Variants in LRMDA observed in about 807,000 individuals in gnomAD.
LRMDA encodes leucine rich melanocyte differentiation associated.
A neutral mutation model predicts 29.8 loss-of-function variants in LRMDA; 18 were observed. The observed-to-expected ratio is 0.60, with a 90% CI of 0.42 to 0.90. The LOEUF (loss-of-function observed/expected upper bound fraction) is 0.90, where lower values mean the gene tolerates loss of function less well. LRMDA is among the 40% of genes least tolerant of loss of function. LRMDA has a pLI of 0.00. For synonymous variants in LRMDA, 125 were observed against 109.4 expected (o/e 1.14, Z -0.89); for missense variants, 273 against 273.9 (o/e 1.00, Z 0.02).
intron 5 of LRMDA, among the ~76,000 whole-genome samples, chr10:76,232,026 T>C (rs1045019379): frequency 6.6e-6 from 1 of 152,204 alleles, no homozygotes; most frequent in African/African-American, 2.4e-5. Flanking sequence ...CACTTCAGTG[T>C]AAATGGAGGT....
At chr10:75,825,955 T>C (rs1459680531) in intron 2 of LRMDA, among the ~76,000 whole-genome samples, 1 of 152,126 alleles carries the variant, frequency 6.6e-6, no homozygotes. Flanking sequence ...TCAAGACAAA[T>C]AGAGGTGGGA....
chr10:76,559,671 A>C lies in LRMDA; in HGVS notation c.*2383A>C, dbSNP rs77724565. ...AGGAATTTCCCAAACCTTGTTTTTC[A>C]AAGTTGAGAAGTAGAAAGTAATAAA... is the stretch of plus-strand genomic sequence containing the variant. On this transcript the variant is annotated 3_prime_UTR_variant, in exon 7 of 7. Coordinates refer to ENST00000611255, the MANE Select transcript of LRMDA (RefSeq NM_001305581.2). The C allele has an allele frequency of 0.01, 1,563 of 152,352 alleles. 18 individuals are homozygous for C. The highest frequency in any genetic ancestry group is 0.034 in the Middle Eastern group (10 of 294). The allele number at this position is 152,352 out of a possible 1,614,324, so 9.4% of individuals were successfully genotyped here. A position where few individuals can be genotyped will look rare whatever the true frequency, so the allele number is the denominator to read the frequency against.
intron 2 of LRMDA, among the ~76,000 whole-genome samples, chr10:75,819,993 AT>A (rs776604414): frequency 2.0e-5 from 3 of 152,228 alleles, no homozygotes; most frequent in Non-Finnish European, 4.4e-5. Flanking sequence ...CATGCACCAA[AT>A]ACTAGAGTGC....
At chr10:75,516,049 C>A (rs1845284922) in intron 2 of LRMDA, among the ~76,000 whole-genome samples, 2 of 152,260 alleles carry the variant, frequency 1.3e-5, no homozygotes, top group South Asian at 4.1e-4. Context: ...CTTTTTTATG[C>A]CTGCATAGTA....
intron 4 of LRMDA, among the ~76,000 whole-genome samples, chr10:76,053,186 G>A (rs1438737392): frequency 1.3e-5 from 2 of 152,118 alleles, no homozygotes; most frequent in Non-Finnish European, 2.9e-5. Context: ...GTCTGAATAA[G>A]TTTAGTGCCC....
At chr10:76,225,632 A>G (rs2132264861) in intron 5 of LRMDA, among the ~76,000 whole-genome samples, 1 of 151,970 alleles carries the variant, frequency 6.6e-6, no homozygotes, top group Non-Finnish European at 1.5e-5. Flanking sequence ...CTGTACATAC[A>G]TTGGCTCCTG....
chr10:76,269,746 G>A (rs1840045467), intron 5 of LRMDA, among the ~76,000 whole-genome samples: 1 of 152,096 alleles, frequency 6.6e-6, no homozygotes, highest in Non-Finnish European at 1.5e-5. Flanking sequence ...TAAGCCCTTT[G>A]CATGCATTTT....
chr10:76,458,571 CTCTG>C (rs1842481260), intron 6 of LRMDA, among the ~76,000 whole-genome samples: 1 of 152,138 alleles, frequency 6.6e-6, no homozygotes, highest in Non-Finnish European at 1.5e-5. Flanking sequence ...GAAGCTTGAG[CTCTG>C]TCTCTTGGAT....
At chr10:75,697,832 A>AGTGTGT (rs1288364037) in intron 2 of LRMDA, among the ~76,000 whole-genome samples, 1 of 123,158 alleles carries the variant, frequency 8.1e-6, no homozygotes. Flanking sequence ...TGTGCATGTA[A>AGTGTGT]GAGTGTGTGT....
chr10:76,539,346 G>A (rs1843327329), intron 6 of LRMDA, among the ~76,000 whole-genome samples: 1 of 152,174 alleles, frequency 6.6e-6, no homozygotes, highest in Non-Finnish European at 1.5e-5. Context: ...CTGCCTAGAT[G>A]ATAATAGGAG....
intron 6 of LRMDA, among the ~76,000 whole-genome samples, chr10:76,539,846 T>A (rs142790115): frequency 2.0e-5 from 3 of 152,218 alleles, no homozygotes; most frequent in African/African-American, 7.2e-5. Context: ...CTGTGAAACA[T>A]GAATAGGATG....
At chr10:75,884,245 TTGTGTGTGTGTG>T (rs57507869) in intron 2 of LRMDA, among the ~76,000 whole-genome samples, 94 of 109,570 alleles carry the variant, frequency 8.6e-4, no homozygotes, top group African/African-American at 3.0e-3. Flanking sequence ...GCAGGCGACT[TTGTGTGTGTGTG>T]TGTGTGTGTG....
intron 2 of LRMDA, among the ~76,000 whole-genome samples, chr10:75,856,718 C>T (rs1844833516): frequency 6.6e-6 from 1 of 152,180 alleles, no homozygotes; most frequent in South Asian, 2.1e-4. Context: ...AACCCACAGC[C>T]AATATCATAC....
At chr10:76,370,276 G>A (rs1489005711) in intron 6 of LRMDA, among the ~76,000 whole-genome samples, 4 of 152,034 alleles carry the variant, frequency 2.6e-5, no homozygotes, top group African/African-American at 9.7e-5. Flanking sequence ...AACCCATCCA[G>A]CTATAAAGAG....
At chr10:76,411,261 G>A (rs1414190980) in intron 6 of LRMDA, among the ~76,000 whole-genome samples, 1 of 152,170 alleles carries the variant, frequency 6.6e-6, no homozygotes, top group Non-Finnish European at 1.5e-5. Context: ...AGTACCTGTT[G>A]GAGATGCGTA....
rs112307676 is a variant in LRMDA, at chr10:75,543,055, G to A, written c.131+104561G>A. Among the ~76,000 whole-genome samples the A allele has an allele frequency of 1.1e-4, 17 of 152,290 alleles. 1 individual carries two copies. The highest frequency in any genetic ancestry group is 4.1e-4 in the African/African-American group (17 of 41,552). ...CTGGGAAATTGACAAGTCCAAGCGC[G>A]AGGCCAGGGTAGTAATTGATAGCAG... On this transcript the variant is annotated intron_variant, in intron 2 of 6. Transcript: ENST00000611255.
intron 2 of LRMDA, among the ~76,000 whole-genome samples, chr10:75,698,605 G>A (rs1223315760): frequency 8.3e-6 from 1 of 120,390 alleles, no homozygotes; most frequent in South Asian, 2.4e-4. Flanking sequence ...GGTCCATAGT[G>A]ACACCTTCAC....
intron 6 of LRMDA, among the ~76,000 whole-genome samples, chr10:76,444,615 A>G (rs1842335167): frequency 6.6e-6 from 1 of 152,176 alleles, no homozygotes. Context: ...GTGTGGTTAC[A>G]CAACCAGCCA....
chr10:76,317,930 TA>T (rs1840720544), intron 5 of LRMDA, among the ~76,000 whole-genome samples: 1 of 152,222 alleles, frequency 6.6e-6, no homozygotes, highest in African/African-American at 2.4e-5. Context: ...TTTATGTAGT[TA>T]AAAACCACAA....
Sources: gnomAD v4.1 joint callset for allele counts (sites outside exome capture counted in the v4.1 genomes callset) on GRCh38, gnomAD v4.1.1 for gene constraint, MANE v1.5 for transcripts, NCBI Gene and HGNC (gene_info 2026-07-23, HGNC 2026-07-21) for gene names.